HCFC1: variants seen among roughly 807,000 people sequenced by gnomAD.
HCFC1 encodes the protein host cell factor C1.
A neutral mutation model predicts 105.5 loss-of-function variants in HCFC1; 7 were observed. That is an observed-to-expected ratio of 0.07 (90% CI 0.04 to 0.12). The LOEUF (loss-of-function observed/expected upper bound fraction) is 0.12. Ranked by LOEUF, HCFC1 falls within the 10% of genes least tolerant of loss-of-function variation. The pLI, the probability that HCFC1 is intolerant of heterozygous loss-of-function variation, is 1.00. For synonymous variants in HCFC1, 918 were observed against 828.1 expected (o/e 1.11, Z -1.86); for missense variants, 1,065 against 1,823.6 (o/e 0.58, Z 7.58).
chrX:153,966,681 G>A (rs1254019029), intron 1 of HCFC1, among the ~76,000 whole-genome samples: 2 of 112,491 alleles, frequency 1.8e-5, no homozygotes, highest in Non-Finnish European at 3.8e-5. Flanking sequence ...GAGGGCAAGC[G>A]ACACCTGAGG....
chrX:153,954,828 G>A lies in HCFC1; in HGVS notation c.3571C>T (p.Pro1191Ser), dbSNP rs1569546743. Residue 1191 changes from proline (P) to serine (S), a missense_variant, in exon 17 of 26, where the codon CCA (proline) becomes TCA (serine). Transcript: ENST00000310441. ...MATGAPCSAG[P>S]LLGPSMAREP... ...CGTGCCATGCTCGGCCCAAGGAGTG[G>A]GCCGGCCGAGCACGGGGCCCCGGTG... 3.5e-6 allele frequency: 4 copies of A among 1,153,384 alleles called. No individual in the cohort carries two copies. The highest frequency in any genetic ancestry group is 4.6e-6 in the Non-Finnish European group (4 of 870,904).
At chrX:153,956,517 C>T (rs1006763235) in intron 15 of HCFC1, 106 bp from the exon 16 acceptor site, 11 of 1,121,159 alleles carry the variant, frequency 9.8e-6, no homozygotes, top group South Asian at 5.7e-5. Flanking sequence ...ATAGAAGGCT[C>T]GGGAGAGAGG....
At chrX:153,968,228 C>G (rs983243333) in intron 1 of HCFC1, among the ~76,000 whole-genome samples, 1 of 111,515 alleles carries the variant, frequency 9.0e-6, no homozygotes, top group African/African-American at 3.3e-5. Flanking sequence ...TCCCTAAGGA[C>G]AAGCACAGTA....
intron 1 of HCFC1, chrX:153,970,233 C>G (rs1429925162): frequency 8.6e-6 from 1 of 115,775 alleles, no homozygotes; most frequent in Non-Finnish European, 1.8e-5. Context: ...AGCCCCAGCC[C>G]GCTGGGTAAC....
rs1557112418 is a variant in HCFC1 at position 153,951,461 on chromosome X, G to T, written c.5406C>A (p.Ser1802Arg). 8.3e-7 allele frequency: 1 copy of T among 1,211,394 alleles called. No homozygotes were observed. ...GVKPDLPPPP[S>R]KAPMKKENQW... ...GGTTTTCCTTCTTCATGGGGGCTTTGCTGGGTGGGGGCGGCAGGTCTGGCT... is the reference window on the plus strand; with the variant it reads ...GGTTTTCCTTCTTCATGGGGGCTTTTCTGGGTGGGGGCGGCAGGTCTGGCT... The change falls in exon 22 of 26, where the codon AGC becomes AGA. Residue 1802 changes from serine (S) to arginine (R), a missense_variant. Coordinates refer to ENST00000310441, the MANE Select transcript of HCFC1 (RefSeq NM_005334.3).
chrX:153,964,089 C>T (rs781805198), intron 3 of HCFC1, 35 bp downstream of exon 3: 55 of 1,162,512 alleles, frequency 4.7e-5, no homozygotes, highest in Non-Finnish European at 5.9e-5. Flanking sequence ...AGCACACCCA[C>T]CCGGGGGGTT....
rs782691131 is a variant in HCFC1 at position 153,957,458 on chromosome X, T to C, written c.2209A>G (p.Thr737Ala). The change falls in exon 13 of 26, where the codon ACT becomes GCT. Residue 737 changes from threonine (T) to alanine (A), a missense_variant. Physicochemically the swap from Thr to Ala is moderately conservative, Grantham distance 58 (BLOSUM62 0). This residue lies in a region of HCFC1 where 137 missense variants were observed against 378.2 expected (regional missense o/e 0.36). Coordinates refer to ENST00000310441, the MANE Select transcript of HCFC1 (RefSeq NM_005334.3). Reference sequence around the variant, plus strand: ...CCCGCCCCACTGGCCTGCGTGGTAGTGATGATGGTGGTGGGCTTGCCATCT... The same window carrying C: ...CCCGCCCCACTGGCCTGCGTGGTAGCGATGATGGTGGTGGGCTTGCCATCT... ...SADGKPTTII[T>A]TTQASGAGTK... 2 of 1,210,670 alleles carry C rather than the reference T, an allele frequency of 1.7e-6. No homozygotes were observed. The highest frequency in any genetic ancestry group is 2.2e-6 in the Non-Finnish European group (2 of 894,694).
intron 1 of HCFC1, chrX:153,970,008 C>G (rs1378059176): frequency 8.8e-6 from 1 of 113,166 alleles, no homozygotes; most frequent in Non-Finnish European, 1.9e-5. Flanking sequence ...TCCGGCATTA[C>G]CCGGGTCGGC....
In HCFC1 at chrX:153,966,390, G is replaced by C. The variant is rs782401850; in HGVS notation, c.194-1664C>G. Among the ~76,000 whole-genome samples the C allele has an allele frequency of 1.8e-5, 2 of 112,413 alleles. 1 individual carries two copies. Among genetic ancestry groups the C allele is most frequent in the Admixed American group, 1.9e-4 (2 of 10,678 alleles). On this transcript the variant is annotated intron_variant, in intron 1 of 25. Transcript: ENST00000310441. ...TGAGTCACTGGGCCTCGGACATGCC[G>C]AGCACTAGAGCTCCCCTGCCATTTC...
chrX:153,953,708 T>G lies in HCFC1; in HGVS notation c.4396A>C (p.Ile1466Leu). 1.7e-6 allele frequency: 2 copies of G among 1,210,139 alleles called. No homozygotes were observed. Among genetic ancestry groups the G allele is most frequent in the Non-Finnish European group, 1.1e-6 (1 of 894,729 alleles). ...VESTQGDSVN[I>L]TSSSAITTTV... ...GTCGTGATGGCACTGGAGCTGGTGA[T>G]GTTCACGCTGTCGCCCTGGGTGCTC... Residue 1466 changes from isoleucine to leucine, a missense_variant, in exon 18 of 26, where the codon ATC (isoleucine) becomes CTC (leucine). Coordinates refer to ENST00000310441, the MANE Select transcript of HCFC1 (RefSeq NM_005334.3).
At chrX:153,956,896 G>C in intron 14 of HCFC1, 22 bp downstream of exon 14, 1 of 1,210,151 alleles carries the variant, frequency 8.3e-7, no homozygotes, top group Non-Finnish European at 1.1e-6. Flanking sequence ...ACTGGGCTGA[G>C]AGACGGCTGG....
rs201219961 is a variant in HCFC1, at chrX:153,953,686, G to A, written c.4418C>T (p.Thr1473Met). 1.4e-5 allele frequency: 17 copies of A among 1,209,132 alleles called. No homozygotes were observed. Among genetic ancestry groups the A allele is most frequent in the African/African-American group, 5.2e-5 (3 of 57,378 alleles). ...SVNITSSSAITTTVSSTLTRA... is the reference protein window; with the variant it reads ...SVNITSSSAIMTTVSSTLTRA... The stretch of plus-strand genomic sequence containing the variant: ...CGTCAGTGTGGAGGACACGGTTGTC[G>A]TGATGGCACTGGAGCTGGTGATGTT... The change falls in exon 18 of 26, where the codon ACG becomes ATG. Residue 1473 changes from threonine (T) to methionine (M), a missense_variant. Thr to Met is a moderately conservative substitution (Grantham distance 81, BLOSUM62 -1). Transcript: ENST00000310441.
intron 1 of HCFC1, among the ~76,000 whole-genome samples, chrX:153,967,747 C>G (rs782374806): frequency 9.0e-6 from 1 of 111,603 alleles, no homozygotes; most frequent in African/African-American, 3.3e-5. Context: ...TTCAGCCGGG[C>G]CTTGAAGGGT....
chrX:153,951,659 G>T lies in HCFC1; in HGVS notation c.5309C>A (p.Ala1770Asp). Reference protein sequence around the residue: ...TFVAPQPVVVASPAKLQAAAT... With the variant: ...TFVAPQPVVVDSPAKLQAAAT... ...TGCAGCCTGCAGCTTGGCTGGGCTG[G>T]CCACCACAACCGGCTGGGGGGCCAC... The change falls in exon 21 of 26, where the codon GCC becomes GAC. Residue 1770 changes from alanine to aspartate, a missense_variant. Physicochemically the swap from Ala to Asp is moderately radical, Grantham distance 126 (BLOSUM62 -2). Coordinates refer to ENST00000310441, the MANE Select transcript of HCFC1 (RefSeq NM_005334.3). 1 of 1,211,155 alleles carries T rather than the reference G, an allele frequency of 8.3e-7. No individual in the cohort carries two copies. The highest frequency in any genetic ancestry group is 1.1e-6 in the Non-Finnish European group (1 of 895,411).
intron 1 of HCFC1, among the ~76,000 whole-genome samples, chrX:153,968,170 C>T (rs1319045488): frequency 1.8e-5 from 2 of 111,640 alleles, no homozygotes; most frequent in Non-Finnish European, 3.8e-5. Context: ...CCACCCCCCA[C>T]ACCTGGCAGC....
chrX:153,964,310 A>T (rs2065456057), intron 2 of HCFC1, 26 bp from the exon 3 acceptor site: 1 of 1,142,982 alleles, frequency 8.7e-7, no homozygotes, highest in South Asian at 2.2e-5. Flanking sequence ...CTGGAGACTG[A>T]ACCGTGGGAT....
chrX:153,968,448 G>A (rs1444083781), intron 1 of HCFC1, among the ~76,000 whole-genome samples: 1 of 111,949 alleles, frequency 8.9e-6, no homozygotes, highest in Non-Finnish European at 1.9e-5. Context: ...GGCCGGGCTG[G>A]CGGGAGGGGG....
chrX:153,955,055 C>A lies in HCFC1; in HGVS notation c.3344G>T (p.Gly1115Val), dbSNP rs370928756. ...GGCTGTAGTGGCAGTGTTGGTGGTG[C>A]CCGTCTCGTGGGTCTCGCAGGGTGG... ...SNPPCETHET[G>V]TTNTATTAMS... Residue 1115 changes from glycine (G) to valine (V), a missense_variant, in exon 17 of 26, where the codon GGC becomes GTC. By Grantham distance (109) the Gly-to-Val change is moderately radical. Transcript: ENST00000310441. The A allele has an allele frequency of 7.4e-6, 9 of 1,209,313 alleles. No individual in the cohort carries two copies. Among genetic ancestry groups the A allele is most frequent in the Non-Finnish European group, 1.0e-5 (9 of 894,712 alleles).
At chrX:153,950,688 G>A (rs2065301958) in intron 23 of HCFC1, 125 bp downstream of exon 23, 3 of 867,447 alleles carry the variant, frequency 3.5e-6, no homozygotes, top group Admixed American at 5.7e-5. Context: ...CTTCCCCCAA[G>A]TGGAAGGACT....
Sources: allele counts gnomAD v4.1 joint callset (sites outside exome capture counted in the v4.1 genomes callset), GRCh38; gene constraint gnomAD v4.1.1; regional missense constraint gnomAD v4.1.1; transcripts MANE v1.5; gene names NCBI Gene and HGNC (gene_info 2026-07-23, HGNC 2026-07-21).